PACRG: variants seen among roughly 807,000 people sequenced by gnomAD.
The protein encoded by PACRG is parkin coregulated gene protein.
Under a neutral mutation model 29.7 loss-of-function variants are expected in PACRG, and 29 were observed. The observed-to-expected ratio is 0.98, with a 90% CI of 0.73 to 1.33. The LOEUF is 1.33. Among genes scored for constraint, PACRG ranks in the 40% most tolerant of loss-of-function variants. PACRG has a pLI of 0.00. For synonymous variants in PACRG, 116 were observed against 118.7 expected (o/e 0.98, Z 0.15); for missense variants, 279 against 316.2 (o/e 0.88, Z 0.89).
chr6:162,816,883 G>C (rs1345373911), intron 2 of PACRG, among the ~76,000 whole-genome samples: 1 of 152,152 alleles, frequency 6.6e-6, no homozygotes, highest in Non-Finnish European at 1.5e-5. Context: ...TCTTGTGTGT[G>C]GGCAGAGCAC....
At chr6:162,923,151 C>T (rs1457329395) in intron 2 of PACRG, among the ~76,000 whole-genome samples, 1 of 152,094 alleles carries the variant, frequency 6.6e-6, no homozygotes, top group African/African-American at 2.4e-5. Context: ...AAAAAATATA[C>T]TTGCTGGCCA....
At chr6:162,917,781 C>G (rs1001268438) in intron 2 of PACRG, among the ~76,000 whole-genome samples, 2 of 152,122 alleles carry the variant, frequency 1.3e-5, no homozygotes, top group African/African-American at 4.8e-5. Context: ...GGCCTAACCT[C>G]TCTCTCTCAC....
intron 2 of PACRG, among the ~76,000 whole-genome samples, chr6:163,045,065 C>T (rs9356095): frequency 4.9e-4 from 74 of 152,184 alleles, no homozygotes; most frequent in African/African-American, 1.6e-3. Flanking sequence ...AGGGAGCAGC[C>T]GTTGCGAAGG....
intron 2 of PACRG, among the ~76,000 whole-genome samples, chr6:162,852,023 G>A (rs1790948722): frequency 6.6e-6 from 1 of 150,446 alleles, no homozygotes; most frequent in Non-Finnish European, 1.5e-5. Flanking sequence ...AAGGAAGGAA[G>A]GAAGGAAGGA....
chr6:162,883,714 GTA>G (rs1491582329), intron 2 of PACRG, among the ~76,000 whole-genome samples: 2 of 143,162 alleles, frequency 1.4e-5, no homozygotes, highest in African/African-American at 5.2e-5. Context: ...GTGTGTGTGT[GTA>G]TGTATGTATA....
At chr6:163,138,421 C>CA (rs970641562) in intron 4 of PACRG, among the ~76,000 whole-genome samples, 1 of 152,198 alleles carries the variant, frequency 6.6e-6, no homozygotes, top group African/African-American at 2.4e-5. Context: ...AGGCAGTCCC[C>CA]AACCTTTTTG....
chr6:162,832,503 C>G (rs561770442), intron 2 of PACRG, among the ~76,000 whole-genome samples: 1 of 152,046 alleles, frequency 6.6e-6, no homozygotes, highest in African/African-American at 2.4e-5. Context: ...AAAATTCTTG[C>G]TATATTTGGT....
chr6:162,825,698 G>A (rs1788213433), intron 2 of PACRG, among the ~76,000 whole-genome samples: 3 of 152,148 alleles, frequency 2.0e-5, no homozygotes, highest in South Asian at 2.1e-4. Flanking sequence ...CTCCTGGGGT[G>A]TGACTTGGAA....
intron 2 of PACRG, among the ~76,000 whole-genome samples, chr6:162,970,431 T>C (rs1280291198): frequency 2.0e-5 from 3 of 152,038 alleles, no homozygotes; most frequent in African/African-American, 7.2e-5. Context: ...GACCACCTGG[T>C]CCCCCTCTTC....
At chr6:162,786,856 G>A (rs1455704789) in intron 1 of PACRG, among the ~76,000 whole-genome samples, 1 of 151,952 alleles carries the variant, frequency 6.6e-6, no homozygotes, top group Non-Finnish European at 1.5e-5. Flanking sequence ...TTTTTCAGTT[G>A]TATTGGATCA....
chr6:162,902,234 T>C (rs1795611975), intron 2 of PACRG, among the ~76,000 whole-genome samples: 1 of 152,250 alleles, frequency 6.6e-6, no homozygotes, highest in Non-Finnish European at 1.5e-5. Flanking sequence ...GATCAGTGTT[T>C]TACATGTGAT....
chr6:162,914,508 G>GTTTT (rs3028611), intron 2 of PACRG, among the ~76,000 whole-genome samples: 3 of 95,096 alleles, frequency 3.2e-5, no homozygotes, highest in Non-Finnish European at 6.3e-5. Context: ...GTACTTTTTT[G>GTTTT]TTTTTTTTTT....
At chr6:162,737,264 A>G (rs761148729) in intron 1 of PACRG, among the ~76,000 whole-genome samples, 1 of 152,164 alleles carries the variant, frequency 6.6e-6, no homozygotes, top group Non-Finnish European at 1.5e-5. Flanking sequence ...AAACCTATTC[A>G]TGATACAAAT....
At chr6:162,791,124 T>G (rs1345442307) in intron 1 of PACRG, among the ~76,000 whole-genome samples, 4 of 152,208 alleles carry the variant, frequency 2.6e-5, no homozygotes, top group Admixed American at 2.6e-4. Context: ...GCTTATAGTT[T>G]CACACAACTC....
chr6:162,890,381 A>G (rs1794666837), intron 2 of PACRG, among the ~76,000 whole-genome samples: 1 of 152,194 alleles, frequency 6.6e-6, no homozygotes. Context: ...AGCTGCATTA[A>G]GAAATTTTCT....
chr6:163,186,426 C>G (rs1185119061), intron 4 of PACRG, among the ~76,000 whole-genome samples: 1 of 151,874 alleles, frequency 6.6e-6, no homozygotes, highest in Non-Finnish European at 1.5e-5. Context: ...CACACACACG[C>G]AGACACAGAC....
At chr6:163,181,424 A>G (rs973139565) in intron 4 of PACRG, among the ~76,000 whole-genome samples, 1 of 151,936 alleles carries the variant, frequency 6.6e-6, no homozygotes, top group African/African-American at 2.4e-5. Context: ...GAAAGAGCCA[A>G]TTCTCCATTC....
At chr6:162,890,142 G>A (rs1380147320) in intron 2 of PACRG, among the ~76,000 whole-genome samples, 1 of 152,160 alleles carries the variant, frequency 6.6e-6, no homozygotes, top group African/African-American at 2.4e-5. Flanking sequence ...ATTTGTTATT[G>A]AACATAAAAT....
chr6:162,975,847 T>G (rs1036517218), intron 2 of PACRG, among the ~76,000 whole-genome samples: 1 of 151,624 alleles, frequency 6.6e-6, no homozygotes, highest in East Asian at 2.0e-4. Flanking sequence ...TCTCCCTCCC[T>G]CCCTTCCTTC....
Sources: gnomAD v4.1 joint callset for allele counts (sites outside exome capture counted in the v4.1 genomes callset) on GRCh38, gnomAD v4.1.1 for gene constraint, MANE v1.5 for transcripts, NCBI Gene and HGNC (gene_info 2026-07-23, HGNC 2026-07-21) for gene names.